Variants in ZNF804B observed in about 807,000 individuals in gnomAD.
ZNF804B encodes the protein zinc finger protein 804B, also known as zinc finger 804B.
ZNF804B carries 80 observed loss-of-function variants against 101.4 expected under a neutral mutation model. The ratio of observed to expected loss-of-function variants is 0.79; its 90% CI spans 0.66 to 0.95. The LOEUF is 0.95. Among genes scored for constraint, ZNF804B ranks in the 40% least tolerant of loss-of-function variants. The pLI is 0.00. For missense variants in ZNF804B, 1,673 were observed against 1,561.9 expected (o/e 1.07, Z -1.20); for synonymous variants, 622 against 558.8 (o/e 1.11, Z -1.59).
chr7:88,780,386 C>CTTTTTT (rs34619990), intron 1 of ZNF804B, among the ~76,000 whole-genome samples: 7 of 111,180 alleles, frequency 6.3e-5, no homozygotes, highest in Non-Finnish European at 1.1e-4. Context: ...ACTTTTTTGT[C>CTTTTTT]TTTTTTTTTT....
intron 1 of ZNF804B, among the ~76,000 whole-genome samples, chr7:89,165,401 A>G (rs1309431195): frequency 6.6e-6 from 1 of 151,980 alleles, no homozygotes; most frequent in African/African-American, 2.4e-5. Flanking sequence ...TTGATGAATA[A>G]AATGATAAAA....
intron 1 of ZNF804B, among the ~76,000 whole-genome samples, chr7:88,946,736 C>T (rs1160533872): frequency 1.3e-5 from 2 of 151,612 alleles, no homozygotes; most frequent in African/African-American, 4.8e-5. Context: ...TGTTCCTGTG[C>T]TTTTTTTGAT....
chr7:89,322,263 T>G (rs2115970730), intron 2 of ZNF804B, among the ~76,000 whole-genome samples: 1 of 152,330 alleles, frequency 6.6e-6, no homozygotes, highest in Middle Eastern at 3.4e-3. Flanking sequence ...AAATATTTTC[T>G]GCTTTCAAGT....
At chr7:89,332,505 A>G (rs1008336513) in intron 3 of ZNF804B, among the ~76,000 whole-genome samples, 1 of 151,826 alleles carries the variant, frequency 6.6e-6, no homozygotes, top group Non-Finnish European at 1.5e-5. Context: ...TGTGATTTGT[A>G]TTGTCTTCTT....
intron 1 of ZNF804B, among the ~76,000 whole-genome samples, chr7:88,949,904 G>T (rs527501734): frequency 1.3e-5 from 2 of 151,972 alleles, no homozygotes; most frequent in East Asian, 3.9e-4. Flanking sequence ...AAGTATAGTA[G>T]GTTATATCAT....
chr7:89,148,708 A>G (rs1790826026), intron 1 of ZNF804B, among the ~76,000 whole-genome samples: 1 of 151,986 alleles, frequency 6.6e-6, no homozygotes, highest in African/African-American at 2.4e-5. Flanking sequence ...AGGTTTGTGA[A>G]CAGAATTTTT....
At chr7:89,317,452 C>A (rs1790750296) in intron 2 of ZNF804B, among the ~76,000 whole-genome samples, 1 of 152,124 alleles carries the variant, frequency 6.6e-6, no homozygotes, top group African/African-American at 2.4e-5. Context: ...AAATGCGAAG[C>A]AAAGAACTGG....
chr7:89,167,127 G>A (rs1396174841), intron 1 of ZNF804B, among the ~76,000 whole-genome samples: 1 of 151,748 alleles, frequency 6.6e-6, no homozygotes, highest in Non-Finnish European at 1.5e-5. Flanking sequence ...TTGTCTGCTA[G>A]TTTTTTTGAA....
chr7:89,200,207 T>A (rs1426475904), intron 1 of ZNF804B, among the ~76,000 whole-genome samples: 3 of 151,916 alleles, frequency 2.0e-5, no homozygotes, highest in Non-Finnish European at 2.9e-5. Context: ...ACAACCCAAA[T>A]GCTCTTTACT....
chr7:88,951,532 T>C (rs1281766695), intron 1 of ZNF804B, among the ~76,000 whole-genome samples: 1 of 151,962 alleles, frequency 6.6e-6, no homozygotes, highest in African/African-American at 2.4e-5. Flanking sequence ...AGCAATAATA[T>C]ATTTTATTTG....
chr7:89,017,897 A>G (rs1175895581), intron 1 of ZNF804B, among the ~76,000 whole-genome samples: 2 of 152,040 alleles, frequency 1.3e-5, no homozygotes, highest in Non-Finnish European at 2.9e-5. Context: ...TCTGTTCATT[A>G]GTTCTAAAAG....
intron 2 of ZNF804B, among the ~76,000 whole-genome samples, chr7:89,234,985 C>T (rs1343655252): frequency 2.0e-5 from 3 of 152,190 alleles, no homozygotes; most frequent in Non-Finnish European, 4.4e-5. Context: ...GGTTCTCTCT[C>T]TCTGGAGAAT....
chr7:88,996,376 T>A (rs1367224519), intron 1 of ZNF804B, among the ~76,000 whole-genome samples: 2 of 152,114 alleles, frequency 1.3e-5, no homozygotes, highest in Admixed American at 6.6e-5. Flanking sequence ...TCTACCCAAC[T>A]ACTCCATTGT....
chr7:88,971,736 G>T (rs1356660253), intron 1 of ZNF804B, among the ~76,000 whole-genome samples: 1 of 151,512 alleles, frequency 6.6e-6, no homozygotes, highest in African/African-American at 2.4e-5. Context: ...CACACATGAA[G>T]ATACATAATT....
intron 1 of ZNF804B, among the ~76,000 whole-genome samples, chr7:89,184,393 G>A (rs1202051847): frequency 1.3e-5 from 2 of 152,116 alleles, no homozygotes; most frequent in East Asian, 1.9e-4. Flanking sequence ...GGCATGTGTA[G>A]GATCACAGGT....
intron 1 of ZNF804B, among the ~76,000 whole-genome samples, chr7:89,111,762 T>G (rs1047212775): frequency 1.3e-5 from 2 of 152,214 alleles, no homozygotes. Context: ...GTCCTTTTAG[T>G]GTTGCATCTA....
intron 1 of ZNF804B, among the ~76,000 whole-genome samples, chr7:88,941,095 GTAAATTACT>G (rs1401491375): frequency 6.6e-6 from 1 of 151,854 alleles, no homozygotes; most frequent in African/African-American, 2.4e-5. Flanking sequence ...TAGCAAAAAT[GTAAATTACT>G]GACAACATAA....
At chr7:89,265,291 TGTGCGCGTGCGC>T (rs1488572815) in intron 2 of ZNF804B, among the ~76,000 whole-genome samples, 4 of 63,680 alleles carry the variant, frequency 6.3e-5, no homozygotes, top group Admixed American at 5.0e-4. Context: ...TGTGTGTGTG[TGTGCGCGTGCGC>T]GCGCGCACAC....
intron 2 of ZNF804B, among the ~76,000 whole-genome samples, chr7:89,252,375 A>G (rs1208302307): frequency 6.6e-6 from 1 of 152,150 alleles, no homozygotes; most frequent in Non-Finnish European, 1.5e-5. Context: ...AAAAGCAAAC[A>G]AACAGAAAAC....
Sources: gnomAD v4.1 joint callset for allele counts (sites outside exome capture counted in the v4.1 genomes callset) on GRCh38, gnomAD v4.1.1 for gene constraint, MANE v1.5 for transcripts, NCBI Gene and HGNC (gene_info 2026-07-23, HGNC 2026-07-21) for gene names.